Variants in UGT1A7 observed in about 807,000 individuals in gnomAD.
UGT1A7 encodes UDP glucuronosyltransferase family 1 member A7, also known as UDP-glucuronosyltransferase 1A7.
In UGT1A7, 33 loss-of-function variants were observed where a neutral mutation model predicts 45.6. The observed-to-expected ratio is 0.72, with a 90% CI of 0.55 to 0.97. The LOEUF (loss-of-function observed/expected upper bound fraction) is 0.97, where lower values mean the gene tolerates loss of function less well. Among genes scored for constraint, UGT1A7 ranks in the 50% least tolerant of loss-of-function variants. The pLI, the probability that UGT1A7 is intolerant of heterozygous loss-of-function variation, is 0.00. For missense variants in UGT1A7, 684 were observed against 666.2 expected, an observed-to-expected ratio of 1.03 and a Z score of -0.29; for synonymous variants, 274 against 250.6, an observed-to-expected ratio of 1.09 and a Z score of -0.88.
At chr2:233,704,449 C>T (rs1211739225) in intron 1 of UGT1A7, among the ~76,000 whole-genome samples, 2 of 152,034 alleles carry the variant, frequency 1.3e-5, no homozygotes, top group Non-Finnish European at 2.9e-5. Context: ...AAATGTCATT[C>T]CTATATAGCT....
chr2:233,690,431 T>C, intron 1 of UGT1A7: 1 of 1,261,160 alleles, frequency 7.9e-7, no homozygotes, highest in Non-Finnish European at 1.0e-6. Flanking sequence ...TGCACATCTT[T>C]GGGTCTCTCC....
At chr2:233,764,280 C>T (rs917844974) in intron 1 of UGT1A7, among the ~76,000 whole-genome samples, 5 of 151,996 alleles carry the variant, frequency 3.3e-5, no homozygotes, top group African/African-American at 1.2e-4. Flanking sequence ...TTGGTCATTC[C>T]GGTAACTGTG....
intron 1 of UGT1A7, among the ~76,000 whole-genome samples, chr2:233,721,307 T>C (rs1157154346): frequency 1.3e-5 from 2 of 152,202 alleles, no homozygotes; most frequent in Non-Finnish European, 2.9e-5. Flanking sequence ...GAATAGTGAT[T>C]GTGGCTCTTT....
At chr2:233,768,722 A>G (rs1461787067) in intron 4 of UGT1A7, among the ~76,000 whole-genome samples, 1 of 150,864 alleles carries the variant, frequency 6.6e-6, no homozygotes, top group Non-Finnish European at 1.5e-5. Flanking sequence ...AGCTGGGATT[A>G]CAGGTGTCCA....
intron 1 of UGT1A7, among the ~76,000 whole-genome samples, chr2:233,745,600 C>T (rs1179957536): frequency 6.6e-6 from 1 of 151,524 alleles, no homozygotes; most frequent in African/African-American, 2.4e-5. Flanking sequence ...GGACTTGGCA[C>T]TTGGTAAGCA....
rs1475606426 is a variant in UGT1A7 at position 233,690,499 on chromosome 2, CAG to C, written c.855+7711_855+7712del. 4 of 1,289,698 alleles carry C rather than the reference CAG, an allele frequency of 3.1e-6. No individual in the cohort carries two copies. The Admixed American group carries it at 9.2e-5, about 30-fold the overall frequency. The allele number at this position is 1,289,698 out of a possible 1,614,324, so 79.9% of individuals were successfully genotyped here. A position where few individuals can be genotyped will look rare whatever the true frequency, so the allele number is the denominator to read the frequency against. ...TTTTTGGGAAATCTGCTCTTGCCAA[CAG>C]AGATTTGTTTTATCTTAGGATCTAC... On this transcript the variant is annotated intron_variant, in intron 1 of 4. Transcript: ENST00000373426.
chr2:233,691,764 A>T (rs755562811), intron 1 of UGT1A7: 29 of 435,508 alleles, frequency 6.7e-5, no homozygotes, highest in Non-Finnish European at 8.9e-5. Flanking sequence ...CTCCTGCTCT[A>T]GGATTCTCAC....
chr2:233,695,471 A>G (rs1297433816), intron 1 of UGT1A7, among the ~76,000 whole-genome samples: 1 of 151,084 alleles, frequency 6.6e-6, no homozygotes, highest in Non-Finnish European at 1.5e-5. Flanking sequence ...TTGGCCCTTT[A>G]GATGTTTTTC....
intron 1 of UGT1A7, among the ~76,000 whole-genome samples, chr2:233,727,690 C>G (rs1223646501): frequency 6.6e-6 from 1 of 152,230 alleles, no homozygotes; most frequent in African/African-American, 2.4e-5. Context: ...GAATCATCCT[C>G]TACTGGACAG....
At chr2:233,690,625 T>G in intron 1 of UGT1A7, 1 of 1,288,214 alleles carries the variant, frequency 7.8e-7, no homozygotes, top group Non-Finnish European at 1.0e-6. Flanking sequence ...GACACTCAAG[T>G]GATACCTGAG....
At chr2:233,760,547 A>T (rs533766461) in intron 1 of UGT1A7, 1 of 1,614,192 alleles carries the variant, frequency 6.2e-7, no homozygotes, top group African/African-American at 1.3e-5. Context: ...CAAAGGGAGG[A>T]TGTGAAAGAG....
rs559752141 is a variant in UGT1A7 at position 233,711,434 on chromosome 2, T to C, written c.855+28642T>C. Among the ~76,000 whole-genome samples, 238 of 152,294 alleles carry C rather than the reference T, an allele frequency of 1.6e-3. 2 individuals are homozygous for C. The highest frequency in any genetic ancestry group is 5.3e-3 in the African/African-American group (222 of 41,578). ...TCATCAGGAGGGTGCTTAGGATGCA[T>C]ACAGTTTTAAGGGGGTTGGAGGAAT... On this transcript the variant is annotated intron_variant, in intron 1 of 4. Coordinates refer to ENST00000373426, the MANE Select transcript of UGT1A7 (RefSeq NM_019077.3).
chr2:233,728,311 T>G (rs1219809446), intron 1 of UGT1A7, among the ~76,000 whole-genome samples: 2 of 152,208 alleles, frequency 1.3e-5, no homozygotes, highest in Non-Finnish European at 1.5e-5. Flanking sequence ...GTGCAAGATC[T>G]GAGGCCAGGC....
chr2:233,729,158 G>A (rs771653845), intron 1 of UGT1A7: 35 of 1,613,348 alleles, frequency 2.2e-5, no homozygotes, highest in East Asian at 4.5e-5. Context: ...CCCCTGCCGT[G>A]GCTGGCCACA....
intron 1 of UGT1A7, among the ~76,000 whole-genome samples, chr2:233,728,656 G>A (rs187762667): frequency 2.0e-5 from 3 of 152,180 alleles, no homozygotes; most frequent in African/African-American, 4.8e-5. Flanking sequence ...TTTTGGATGC[G>A]CTGCGTTACT....
At chr2:233,742,031 C>T (rs1309709104) in intron 1 of UGT1A7, 1 of 151,878 alleles carries the variant, frequency 6.6e-6, no homozygotes, top group African/African-American at 2.4e-5. Context: ...TTTGATATGT[C>T]CCAAGCATAG....
At chr2:233,730,985 T>C (rs766907684) in intron 1 of UGT1A7, among the ~76,000 whole-genome samples, 61 of 152,340 alleles carry the variant, frequency 4.0e-4, no homozygotes, top group Admixed American at 5.9e-4. Flanking sequence ...TATTGTTTCT[T>C]ATTCCTTGCT....
chr2:233,686,205 T>A (rs895549790), intron 1 of UGT1A7, among the ~76,000 whole-genome samples: 6 of 151,874 alleles, frequency 4.0e-5, no homozygotes, highest in Admixed American at 6.6e-5. Context: ...GAAGAAAAAA[T>A]TAGAAAAATA....
intron 1 of UGT1A7, among the ~76,000 whole-genome samples, chr2:233,764,613 G>C (rs1465626858): frequency 6.6e-6 from 1 of 152,080 alleles, no homozygotes; most frequent in Admixed American, 6.5e-5. Context: ...GTAAGAGTGG[G>C]TTTCATGAAG....
Sources: allele counts gnomAD v4.1 joint callset (sites outside exome capture counted in the v4.1 genomes callset), GRCh38; gene constraint gnomAD v4.1.1; transcripts MANE v1.5; gene names NCBI Gene and HGNC (gene_info 2026-07-23, HGNC 2026-07-21).